The following EYA4 variants were observed in gnomAD, a reference collection of about 807,000 sequenced individuals.
The protein encoded by EYA4 is protein phosphatase EYA4.
Under a neutral mutation model 87.9 loss-of-function variants are expected in EYA4, and 31 were observed. That is an observed-to-expected ratio of 0.35 (90% CI 0.27 to 0.48). EYA4 has a LOEUF of 0.48. Among genes scored for constraint, EYA4 ranks in the 20% least tolerant of loss-of-function variants. EYA4 has a pLI of 0.99. For missense variants in EYA4, 678 were observed against 761.4 expected (o/e 0.89, Z 1.29); for synonymous variants, 263 against 270.6 (o/e 0.97, Z 0.28).
intron 2 of EYA4, among the ~76,000 whole-genome samples, chr6:133,330,432 C>T (rs1359456533): frequency 6.6e-6 from 1 of 151,790 alleles, no homozygotes; most frequent in East Asian, 1.9e-4. Context: ...TGAAGCAGTA[C>T]ACTTCTTTAT....
chr6:133,424,342 G>C (rs1790464090), intron 3 of EYA4, among the ~76,000 whole-genome samples: 1 of 152,170 alleles, frequency 6.6e-6, no homozygotes, highest in Non-Finnish European at 1.5e-5. Flanking sequence ...CCAGCCTTCA[G>C]GCCCTCACTG....
intron 4 of EYA4, 56 bp downstream of exon 4, chr6:133,446,810 T>G (rs2128623136): frequency 6.4e-7 from 1 of 1,555,908 alleles, no homozygotes; most frequent in East Asian, 2.3e-5. Flanking sequence ...TGCTTTAATT[T>G]TACTTCTTAG....
chr6:133,283,831 G>GC (rs1437846798), intron 2 of EYA4, among the ~76,000 whole-genome samples: 8 of 151,978 alleles, frequency 5.3e-5, no homozygotes, highest in Non-Finnish European at 8.8e-5. Context: ...CCTCCCACCT[G>GC]CCCACCCTTC....
intron 2 of EYA4, among the ~76,000 whole-genome samples, chr6:133,335,881 G>A (rs1312980973): frequency 6.6e-6 from 1 of 152,174 alleles, no homozygotes; most frequent in Non-Finnish European, 1.5e-5. Context: ...ACAAGTTAGA[G>A]AGACAGTGAG....
chr6:133,323,428 A>G (rs1351945283), intron 2 of EYA4, among the ~76,000 whole-genome samples: 2 of 152,138 alleles, frequency 1.3e-5, no homozygotes, highest in Non-Finnish European at 2.9e-5. Context: ...CTTCCTTCAA[A>G]AATTTTTAAT....
At chr6:133,423,554 TA>T (rs1393619509) in intron 3 of EYA4, among the ~76,000 whole-genome samples, 16 of 152,250 alleles carry the variant, frequency 1.1e-4, no homozygotes, top group Non-Finnish European at 2.4e-4. Context: ...ATTAGGACTG[TA>T]GTGAATACTT....
intron 14 of EYA4, among the ~76,000 whole-genome samples, chr6:133,512,376 G>A (rs1165854208): frequency 2.6e-5 from 4 of 152,140 alleles, no homozygotes; most frequent in Admixed American, 2.6e-4. Context: ...GCTTAAGTAT[G>A]CACAACAGAA....
chr6:133,509,465 T>TATATAGTTGC (rs1209022649), intron 14 of EYA4, among the ~76,000 whole-genome samples: 1 of 150,904 alleles, frequency 6.6e-6, no homozygotes, highest in Non-Finnish European at 1.5e-5. Flanking sequence ...TACTGCAACA[T>TATATAGTTGC]ATATAGTAGC....
intron 1 of EYA4, among the ~76,000 whole-genome samples, chr6:133,263,214 G>T (rs1001740791): frequency 1.3e-5 from 2 of 152,146 alleles, no homozygotes; most frequent in South Asian, 4.1e-4. Context: ...AATATAAACT[G>T]TTAGACTTCC....
intron 13 of EYA4, among the ~76,000 whole-genome samples, chr6:133,486,542 C>CA (rs1796700549): frequency 6.7e-6 from 1 of 148,390 alleles, no homozygotes; most frequent in Non-Finnish European, 1.5e-5. Context: ...ACAAACCAAA[C>CA]AAAAAACAAA....
rs1410233468 is a variant in EYA4, at chr6:133,391,220, T to TG, written c.83+8779_83+8780insG. On this transcript the variant is annotated intron_variant, in intron 3 of 19. Coordinates refer to ENST00000355286, the MANE Select transcript of EYA4 (RefSeq NM_004100.5). Reference sequence around the variant, plus strand: ...ATCTATTATTTTTTGGGTTTTGTTTTTGTTTTTTTTTTTTTTTTGAGATGG... The same window carrying TG: ...ATCTATTATTTTTTGGGTTTTGTTTTGTGTTTTTTTTTTTTTTTTGAGATGG... Among the ~76,000 whole-genome samples the TG allele has an allele frequency of 8.3e-5, 5 of 60,010 alleles. 1 individual carries two copies. The highest frequency in any genetic ancestry group is 3.0e-4 in the Admixed American group (2 of 6,706). The allele number at this position is 60,010 out of a possible 152,430, so 39.4% of individuals were successfully genotyped here.
At chr6:133,298,087 G>A (rs1779081560) in intron 2 of EYA4, among the ~76,000 whole-genome samples, 1 of 151,890 alleles carries the variant, frequency 6.6e-6, no homozygotes, top group African/African-American at 2.4e-5. Flanking sequence ...TTCTTGTCTT[G>A]TGTTCTCATG....
At chr6:133,292,823 C>G (rs965240144) in intron 2 of EYA4, among the ~76,000 whole-genome samples, 7 of 151,968 alleles carry the variant, frequency 4.6e-5, no homozygotes, top group Non-Finnish European at 4.4e-5. Flanking sequence ...GAATGTCAAC[C>G]CTTTGGCAGA....
chr6:133,248,658 A>C (rs1253596025), intron 1 of EYA4: 1 of 152,186 alleles, frequency 6.6e-6, no homozygotes, highest in East Asian at 1.9e-4. Context: ...TACATTACCT[A>C]ATTCTTTTCT....
chr6:133,305,594 A>C (rs1438979969), intron 2 of EYA4, among the ~76,000 whole-genome samples: 1 of 152,232 alleles, frequency 6.6e-6, no homozygotes, highest in African/African-American at 2.4e-5. Context: ...CACTTGTAAG[A>C]ATAGGAACTT....
At chr6:133,405,835 G>A (rs1393343033) in intron 3 of EYA4, among the ~76,000 whole-genome samples, 1 of 152,114 alleles carries the variant, frequency 6.6e-6, no homozygotes, top group Non-Finnish European at 1.5e-5. Flanking sequence ...GAAGGCCTTA[G>A]TGAGAGCTGG....
At chr6:133,403,398 C>T (rs1043447303) in intron 3 of EYA4, among the ~76,000 whole-genome samples, 1 of 152,124 alleles carries the variant, frequency 6.6e-6, no homozygotes, top group Non-Finnish European at 1.5e-5. Flanking sequence ...AAAGACCTAG[C>T]CTAAACAATA....
chr6:133,385,358 T>TG (rs1786629710), intron 3 of EYA4, among the ~76,000 whole-genome samples: 1 of 145,956 alleles, frequency 6.9e-6, no homozygotes, highest in African/African-American at 2.5e-5. Context: ...ATATATTTTT[T>TG]CTCTCTCCTC....
At chr6:133,301,907 C>T (rs1779437188) in intron 2 of EYA4, among the ~76,000 whole-genome samples, 1 of 152,226 alleles carries the variant, frequency 6.6e-6, no homozygotes, top group Non-Finnish European at 1.5e-5. Flanking sequence ...TTGCAGTCTA[C>T]TTGATTAGAC....
Sources: allele counts gnomAD v4.1 joint callset (sites outside exome capture counted in the v4.1 genomes callset), GRCh38; gene constraint gnomAD v4.1.1; transcripts MANE v1.5; gene names NCBI Gene and HGNC (gene_info 2026-07-23, HGNC 2026-07-21).